The following DIPK1B variants were observed in gnomAD, a reference collection of about 807,000 sequenced individuals.
DIPK1B encodes the protein divergent protein kinase domain 1B.
DIPK1B carries 17 observed loss-of-function variants against 20.7 expected under a neutral mutation model. The observed-to-expected ratio is 0.82, with a 90% CI of 0.56 to 1.23. DIPK1B has a LOEUF of 1.23. DIPK1B is among the 50% of genes most tolerant of loss of function. The probability of loss-of-function intolerance (pLI) is 0.00; values close to 1 mark genes in which losing one functional copy is unlikely to be tolerated. For missense variants in DIPK1B, 648 were observed against 601.8 expected (o/e 1.08, Z -0.80); for synonymous variants, 343 against 276.5 (o/e 1.24, Z -2.39).
chr9:136,718,931 C>A (rs1275089093), intron 2 of DIPK1B, among the ~76,000 whole-genome samples: 1 of 152,152 alleles, frequency 6.6e-6, no homozygotes, highest in Non-Finnish European at 1.5e-5. Flanking sequence ...TGTTTGGAGC[C>A]CATGCCAGCC....
chr9:136,722,048 G>C lies in DIPK1B; in HGVS notation c.306+20G>C, dbSNP rs201790209. The stretch of plus-strand genomic sequence containing the variant: ...CAGCAGGTATAGCCACTGGCAGGGC[G>C]GGTGGGCCTGGGGCTGATACTGCCC... On this transcript the variant is annotated intron_variant, in intron 3 of 4. Coordinates refer to ENST00000371692, the MANE Select transcript of DIPK1B (RefSeq NM_152421.4). The C allele has an allele frequency of 6.2e-7, 1 of 1,613,062 alleles. No homozygotes were observed. The highest frequency in any genetic ancestry group is 8.5e-7 in the Non-Finnish European group (1 of 1,179,850).
chr9:136,713,671 C>G (rs1373886032), intron 1 of DIPK1B, among the ~76,000 whole-genome samples: 1 of 152,202 alleles, frequency 6.6e-6, no homozygotes, highest in Admixed American at 6.5e-5. Context: ...CAGTGGTCCC[C>G]TCCCCCGAGG....
chr9:136,715,305 G>A (rs113204262), intron 1 of DIPK1B, among the ~76,000 whole-genome samples: 11,306 of 152,234 alleles, frequency 0.074, 486 homozygotes, highest in Non-Finnish European at 0.092. Flanking sequence ...CTGGGGAGAG[G>A]GAAGGTGGCA....
In DIPK1B at chr9:136,717,588, A is replaced by G; in HGVS notation, c.75A>G (p.Pro25=). 1.3e-6 allele frequency: 2 copies of G among 1,599,966 alleles called. No homozygotes were observed. The highest frequency in any genetic ancestry group is 1.7e-6 in the Non-Finnish European group (2 of 1,179,686). ...PFSKRLQGRL[P]GLRVRCIFLA... ...CCCTTCCCCCACAGGGCCGGCTCCC[A>G]GGCCTCAGGGTCCGCTGCATCTTCC... is the stretch of plus-strand genomic sequence containing the variant. The change falls in exon 2 of 5, where the codon CCA becomes CCG. Residue 25 remains proline, a synonymous_variant. Transcript: ENST00000371692.
intron 1 of DIPK1B, among the ~76,000 whole-genome samples, chr9:136,714,352 T>C (rs1458268730): frequency 1.3e-5 from 2 of 152,098 alleles, no homozygotes; most frequent in Non-Finnish European, 2.9e-5. Flanking sequence ...ACGAAAGAGC[T>C]GGGGGATGAA....
rs777712851 is a variant in DIPK1B at position 136,717,744 on chromosome 9, C to T, written c.198+33C>T. ...TTGCTTGTGCGGGCTGGGGACTGGG[C>T]CGTGCCCCCTGCTGCCCAAGATGCT... On this transcript the variant is annotated intron_variant, in intron 2 of 4. Transcript: ENST00000371692. 10 of 1,607,584 alleles carry T rather than the reference C, an allele frequency of 6.2e-6. No homozygotes were observed. In the African/African-American group the frequency reaches 8.0e-5, roughly 13 times the overall value.
At position 136,712,778 on chromosome 9, in the gene DIPK1B, C is replaced by A; in HGVS notation, c.63+50C>A. 1 of 1,261,564 alleles carries A rather than the reference C, an allele frequency of 7.9e-7. No homozygotes were observed. The highest frequency in any genetic ancestry group is 1.0e-6 in the Non-Finnish European group (1 of 996,160). 78.1% of individuals were successfully genotyped at this position (1,261,564 alleles called of 1,614,324 possible). The stretch of plus-strand genomic sequence containing the variant: ...CCCCGGCCGCCTCTGCCTGGGGAGG[C>A]CGAGCTCCAGCCCCGGAGTGGGCCG... On this transcript the variant is annotated intron_variant, in intron 1 of 4. Coordinates refer to ENST00000371692, the MANE Select transcript of DIPK1B (RefSeq NM_152421.4). This position sits in a 1 kb window ranked among gnomAD's most constrained non-coding sequence, Gnocchi z 5.6.
intron 1 of DIPK1B, among the ~76,000 whole-genome samples, chr9:136,713,731 G>A (rs1361276609): frequency 1.3e-5 from 2 of 152,244 alleles, no homozygotes; most frequent in Non-Finnish European, 1.5e-5. Context: ...TTGGAGCTCC[G>A]CCCAGGAATG....
chr9:136,722,077 C>T lies in DIPK1B; in HGVS notation c.307-48C>T, dbSNP rs1330833633. 4 of 1,613,374 alleles carry T rather than the reference C, an allele frequency of 2.5e-6. No individual in the cohort carries two copies. The East Asian group carries it at 8.9e-5, about 36-fold the overall frequency. ...GGGCCTGGGGCTGATACTGCCCGTG[C>T]AGTGGGAGGGGGATGTCTGCACGGA... is the stretch of plus-strand genomic sequence containing the variant. On this transcript the variant is annotated intron_variant, in intron 3 of 4. Coordinates refer to ENST00000371692, the MANE Select transcript of DIPK1B (RefSeq NM_152421.4).
rs1227788211 is a variant in DIPK1B, at chr9:136,723,556, GACCTCATCCAGCCCA to G, written c.1083_1097del (p.Ile362_Leu366del). Reference sequence around the variant, plus strand: ...CAGGCTCATGAGGCAGTGCAAGGGCGACCTCATCCAGCCCAACCTGGCCAAGGTGTGCGCACTGCT... The same window carrying G: ...CAGGCTCATGAGGCAGTGCAAGGGCGACCTGGCCAAGGTGTGCGCACTGCT... On this transcript the variant is annotated inframe_deletion, in exon 5 of 5. Coordinates refer to ENST00000371692, the MANE Select transcript of DIPK1B (RefSeq NM_152421.4). The G allele has an allele frequency of 6.3e-7, 1 of 1,597,836 alleles. No homozygotes were observed. Among genetic ancestry groups the G allele is most frequent in the Admixed American group, 1.7e-5 (1 of 57,732 alleles).
At chr9:136,715,371 G>A (rs527852152) in intron 1 of DIPK1B, among the ~76,000 whole-genome samples, 6 of 152,206 alleles carry the variant, frequency 3.9e-5, no homozygotes, top group Admixed American at 2.6e-4. Context: ...CTGCACCCTA[G>A]AGCCGGTGCC....
intron 1 of DIPK1B, among the ~76,000 whole-genome samples, chr9:136,716,036 T>C (rs1286205430): frequency 6.6e-6 from 1 of 152,000 alleles, no homozygotes; most frequent in Non-Finnish European, 1.5e-5. Context: ...GGGGACCTCG[T>C]GTAAGTGGGT....
chr9:136,723,175 G>A lies in DIPK1B; in HGVS notation c.697G>A (p.Gly233Ser), dbSNP rs758134615. 8.7e-6 allele frequency: 14 copies of A among 1,612,894 alleles called. No individual in the cohort carries two copies. The highest frequency in any genetic ancestry group is 2.2e-5 in the East Asian group (1 of 44,892). ...GYCGDLYLTE[G>S]VPHGAWHAAA... is the part of the protein sequence containing the mutation. ...CTGTGGGGACCTCTACCTCACCGAGGGCGTGCCGCATGGCGCCTGGCACGC... is the reference window on the plus strand; with the variant it reads ...CTGTGGGGACCTCTACCTCACCGAGAGCGTGCCGCATGGCGCCTGGCACGC... The change falls in exon 5 of 5, where the codon GGC (glycine) becomes AGC (serine). Residue 233 changes from glycine (G) to serine (S), a missense_variant. By Grantham distance (56) the Gly-to-Ser change is moderately conservative. Coordinates refer to ENST00000371692, the MANE Select transcript of DIPK1B (RefSeq NM_152421.4).
In DIPK1B at chr9:136,712,779, C is replaced by T. The variant is rs1846444911; in HGVS notation, c.63+51C>T. ...CCCGGCCGCCTCTGCCTGGGGAGGC[C>T]GAGCTCCAGCCCCGGAGTGGGCCGA... On this transcript the variant is annotated intron_variant, in intron 1 of 4. Coordinates refer to ENST00000371692, the MANE Select transcript of DIPK1B (RefSeq NM_152421.4). This position sits in a 1 kb window ranked among gnomAD's most constrained non-coding sequence, Gnocchi z 5.6. 1.6e-6 allele frequency: 2 copies of T among 1,250,150 alleles called. No homozygotes were observed. Among genetic ancestry groups the T allele is most frequent in the South Asian group, 2.4e-5 (1 of 42,028 alleles). The allele number at this position is 1,250,150 out of a possible 1,614,324, so 77.4% of individuals were successfully genotyped here. A position where few individuals can be genotyped will look rare whatever the true frequency, so the allele number is the denominator to read the frequency against.
Position 136,723,896 on chromosome 9 carries a change from C to A in DIPK1B, c.*122C>A. The A allele has an allele frequency of 9.8e-7, 1 of 1,019,464 alleles. No individual in the cohort carries two copies. The highest frequency in any genetic ancestry group is 1.4e-6 in the Non-Finnish European group (1 of 712,562). 63.2% of individuals were successfully genotyped at this position (1,019,464 alleles called of 1,614,324 possible). On this transcript the variant is annotated 3_prime_UTR_variant, in exon 5 of 5. Transcript: ENST00000371692. ...ACTGTGTTGCAAAATCACTCCCCTA[C>A]CGTCAGGGCTCTGGATTCCAGCACC...
In DIPK1B at chr9:136,722,111, G is replaced by A; in HGVS notation, c.307-14G>A. 1 of 1,613,868 alleles carries A rather than the reference G, an allele frequency of 6.2e-7. No individual in the cohort carries two copies. The highest frequency in any genetic ancestry group is 8.5e-7 in the Non-Finnish European group (1 of 1,179,950). ...GGGGATGTCTGCACGGAGGACCTCT[G>A]TGGCCCTGTCCAGGTGTACAGCGGG... On this transcript the variant is annotated splice_polypyrimidine_tract_variant and intron_variant, in intron 3 of 4. Transcript: ENST00000371692.
chr9:136,719,393 C>T (rs1846554039), intron 2 of DIPK1B, among the ~76,000 whole-genome samples: 1 of 152,206 alleles, frequency 6.6e-6, no homozygotes, highest in Non-Finnish European at 1.5e-5. Context: ...GAGACGTCCC[C>T]TCCTTCCCAG....
chr9:136,722,829 TG>T, intron 4 of DIPK1B, 132 bp from the exon 5 acceptor site: 2 of 873,226 alleles, frequency 2.3e-6, no homozygotes, highest in Non-Finnish European at 3.4e-6. Context: ...AGCTGTGGGC[TG>T]GGACCCCTAA....
chr9:136,713,105 T>G (rs1290632683), intron 1 of DIPK1B, among the ~76,000 whole-genome samples: 1 of 152,098 alleles, frequency 6.6e-6, no homozygotes, highest in Non-Finnish European at 1.5e-5. Flanking sequence ...GGCAAGGACA[T>G]GACCTCCCCG....
Sources: allele counts gnomAD v4.1 joint callset (sites outside exome capture counted in the v4.1 genomes callset), GRCh38; gene constraint gnomAD v4.1.1; non-coding constraint Gnocchi (gnomAD v3.1); transcripts MANE v1.5; gene names NCBI Gene and HGNC (gene_info 2026-07-23, HGNC 2026-07-21).